Variants in FREM1 observed in about 807,000 individuals in gnomAD.
FREM1 encodes FRAS1-related extracellular matrix protein 1.
A neutral mutation model predicts 210.1 loss-of-function variants in FREM1; 220 were observed. The observed-to-expected ratio is 1.05, with a 90% confidence interval of 0.94 to 1.17. The LOEUF is 1.17. Ranked by LOEUF, FREM1 falls within the 50% of genes most tolerant of loss-of-function variation. The pLI, the probability that FREM1 is intolerant of heterozygous loss-of-function variation, is 0.00. For synonymous variants in FREM1, 1,189 were observed against 980.2 expected (o/e 1.21, Z -3.98); for missense variants, 3,454 against 2,675.5 (o/e 1.29, Z -6.42).
At position 14,905,931 on chromosome 9, in the gene FREM1, C is replaced by A. The variant is rs970219260; in HGVS notation, c.-268+3983G>T. ...AAAAAAAAAAGAATAAAGTGAGAACCAGGCTGCTGATCAGAGTTAAAGGCC... is the reference window on the plus strand; with the variant it reads ...AAAAAAAAAAGAATAAAGTGAGAACAAGGCTGCTGATCAGAGTTAAAGGCC... On this transcript the variant is annotated intron_variant, in intron 1 of 36. Transcript: ENST00000380880. Among the ~76,000 whole-genome samples, 11 of 152,158 alleles carry A rather than the reference C, an allele frequency of 7.2e-5. No individual in the cohort carries two copies. In the South Asian group the frequency reaches 2.3e-3, roughly 32 times the overall value.
At chr9:14,853,844 G>A (rs1448019370) in intron 5 of FREM1, among the ~76,000 whole-genome samples, 1 of 152,192 alleles carries the variant, frequency 6.6e-6, no homozygotes, top group Non-Finnish European at 1.5e-5. Context: ...GAAAACTCAA[G>A]AGGGGTAAAT....
At chr9:14,743,489 T>A (rs923545709) in intron 35 of FREM1, among the ~76,000 whole-genome samples, 1 of 152,072 alleles carries the variant, frequency 6.6e-6, no homozygotes, top group African/African-American at 2.4e-5. Flanking sequence ...GAACAGTCCT[T>A]TAAAAAAACA....
At chr9:14,779,785 C>T (rs957712823) in intron 24 of FREM1, among the ~76,000 whole-genome samples, 2 of 152,284 alleles carry the variant, frequency 1.3e-5, no homozygotes, top group Non-Finnish European at 2.9e-5. Context: ...CTGAGGCCAG[C>T]GCTCCTATCT....
At chr9:14,785,686 T>C (rs527634948) in intron 23 of FREM1, among the ~76,000 whole-genome samples, 2 of 15,010 alleles carry the variant, frequency 1.3e-4, no homozygotes, top group South Asian at 0.017. Flanking sequence ...AAGCCAGTCA[T>C]GAAAAGATAT....
chr9:14,892,944 G>A (rs550012767), intron 1 of FREM1, among the ~76,000 whole-genome samples: 4 of 152,306 alleles, frequency 2.6e-5, no homozygotes, highest in Non-Finnish European at 1.5e-5. Flanking sequence ...CAATGGCAGG[G>A]TCCAGCCGGG....
intron 17 of FREM1, among the ~76,000 whole-genome samples, chr9:14,807,717 T>C (rs1818648837): frequency 6.6e-6 from 1 of 151,982 alleles, no homozygotes; most frequent in Non-Finnish European, 1.5e-5. Context: ...ACGTATTCTC[T>C]CTCCATACAG....
Position 14,851,290 on chromosome 9 carries a change from A to C in FREM1, c.1146T>G (p.His382Gln). The C allele has an allele frequency of 6.3e-7, 1 of 1,583,808 alleles. No homozygotes were observed. Among genetic ancestry groups the C allele is most frequent in the Non-Finnish European group, 8.6e-7 (1 of 1,164,438 alleles). ...CTTTGTCTCTCCTTCTTACCTCATC[A>C]TGTCTCCTCTCAGAATGGCTGCTGT... ...PPNSSHSERR[H>Q]DEVELEVYDF... is the part of the protein sequence containing the mutation. The change falls in exon 6 of 37, where the codon CAT (histidine) becomes CAG (glutamine). Residue 382 changes from histidine to glutamine, a missense_variant. Transcript: ENST00000380880.
In FREM1 at chr9:14,824,100, C is replaced by G; in HGVS notation, c.2094G>C (p.Gly698=). 6.3e-7 allele frequency: 1 copy of G among 1,579,570 alleles called. No individual in the cohort carries two copies. ...GTATGCTGTCCACCATAAATAATTT[C>G]CCAGCATCCAAGTGTCTAAAGAGAA... The part of the protein sequence containing the change: ...FSFSHRHLDA[G]KLFMVDSIPK... Residue 698 remains glycine (G), a synonymous_variant, in exon 12 of 37, where the codon GGG becomes GGC. Coordinates refer to ENST00000380880, the MANE Select transcript of FREM1 (RefSeq NM_001379081.2).
intron 3 of FREM1, among the ~76,000 whole-genome samples, chr9:14,862,282 G>C (rs537882681): frequency 3.3e-5 from 5 of 152,168 alleles, no homozygotes; most frequent in Non-Finnish European, 5.9e-5. Flanking sequence ...ATAAATGTTT[G>C]TAGAATGGTT....
chr9:14,861,206 C>CATACAT (rs1162045733), intron 3 of FREM1, among the ~76,000 whole-genome samples: 1 of 68,274 alleles, frequency 1.5e-5, no homozygotes, highest in African/African-American at 7.1e-5. Context: ...TATATACACA[C>CATACAT]ATATACATAT....
intron 23 of FREM1, 77 bp from the exon 24 acceptor site, chr9:14,784,711 G>C (rs1253697035): frequency 1.1e-5 from 12 of 1,117,058 alleles, no homozygotes; most frequent in Non-Finnish European, 1.3e-5. Flanking sequence ...AGAAGACAAA[G>C]GCCAAAACTG....
chr9:14,813,203 C>T, intron 15 of FREM1, 139 bp from the exon 16 acceptor site: 1 of 896,192 alleles, frequency 1.1e-6, no homozygotes, highest in East Asian at 2.6e-5. Flanking sequence ...GAAATTTGGC[C>T]AAGTAATCTG....
At chr9:14,835,430 C>T (rs938306645) in intron 10 of FREM1, among the ~76,000 whole-genome samples, 1 of 152,198 alleles carries the variant, frequency 6.6e-6, no homozygotes, top group Non-Finnish European at 1.5e-5. Flanking sequence ...GTTATTTTAT[C>T]AAGGCTTTGA....
chr9:14,856,835 C>CAAAAA (rs754857691), intron 5 of FREM1, among the ~76,000 whole-genome samples: 2 of 78,086 alleles, frequency 2.6e-5, no homozygotes, highest in African/African-American at 4.5e-5. Context: ...GACTCCGTCT[C>CAAAAA]AAAAAAAAAA....
chr9:14,766,558 T>G lies in FREM1; in HGVS notation c.5204+3166A>C, dbSNP rs1846446887. Among the ~76,000 whole-genome samples, 3 of 152,138 alleles carry G rather than the reference T, an allele frequency of 2.0e-5. No homozygotes were observed. In the South Asian group the frequency reaches 6.2e-4, roughly 32 times the overall value. ...TTGATGAATCTCACGAAACAAGCAT[T>G]TCCTAATGCTTTTTAGAGTGGAGCA... is the stretch of plus-strand genomic sequence containing the variant. On this transcript the variant is annotated intron_variant, in intron 27 of 36. Coordinates refer to ENST00000380880, the MANE Select transcript of FREM1 (RefSeq NM_001379081.2).
chr9:14,767,248 T>C (rs1326158645), intron 27 of FREM1, among the ~76,000 whole-genome samples: 3 of 152,196 alleles, frequency 2.0e-5, no homozygotes, highest in Admixed American at 6.5e-5. Context: ...ATAATGTACA[T>C]GTTAAAAAAT....
In FREM1 at chr9:14,825,499, A is replaced by T. The variant is rs1459126012; in HGVS notation, c.1882-507T>A. ...ATGAGACTCCATTTCAAAAAAAAAA[A>T]AAAAAAAGTATATATATACATACAT... On this transcript the variant is annotated intron_variant, in intron 10 of 36. Transcript: ENST00000380880. Among the ~76,000 whole-genome samples, 114 of 143,626 alleles carry T rather than the reference A, an allele frequency of 7.9e-4. 1 individual carries two copies. The highest frequency in any genetic ancestry group is 1.6e-3 in the Admixed American group (23 of 14,218). 94.2% of individuals were successfully genotyped at this position (143,626 alleles called of 152,430 possible). A position where few individuals can be genotyped will look rare whatever the true frequency, so the allele number is the denominator to read the frequency against.
At chr9:14,881,873 C>T (rs139995297) in intron 1 of FREM1, among the ~76,000 whole-genome samples, 156 of 152,278 alleles carry the variant, frequency 1.0e-3, no homozygotes, top group Non-Finnish European at 2.0e-3. Flanking sequence ...GAGGTAGTTA[C>T]GGTGTGCCTC....
chr9:14,804,101 C>T (rs536044944), intron 19 of FREM1, among the ~76,000 whole-genome samples: 5 of 152,114 alleles, frequency 3.3e-5, no homozygotes, highest in Admixed American at 6.5e-5. Context: ...TAAACTAAAA[C>T]CTCAAATCTT....
Sources: allele counts gnomAD v4.1 joint callset (sites outside exome capture counted in the v4.1 genomes callset), GRCh38; gene constraint gnomAD v4.1.1; transcripts MANE v1.5; gene names NCBI Gene and HGNC (gene_info 2026-07-23, HGNC 2026-07-21).